CFAP299: variants seen among roughly 807,000 people sequenced by gnomAD.
CFAP299 encodes the protein cilia- and flagella-associated protein 299.
In CFAP299, 21 loss-of-function variants were observed where a neutral mutation model predicts 27.0. That is an observed-to-expected ratio of 0.78 (90% CI 0.55 to 1.12). The LOEUF is 1.12. Ranked by LOEUF, CFAP299 falls within the 50% of genes most tolerant of loss-of-function variation. The pLI is 0.00. For synonymous variants in CFAP299, 104 were observed against 98.1 expected (o/e 1.06, Z -0.36); for missense variants, 310 against 276.6 (o/e 1.12, Z -0.86).
chr4:80,581,464 A>ATATATATATATATATATATG (rs1736167371), intron 2 of CFAP299, among the ~76,000 whole-genome samples: 1 of 133,384 alleles, frequency 7.5e-6, no homozygotes. Context: ...ATATATATAT[A>ATATATATATATATATATATG]TATATATATA....
intron 2 of CFAP299, among the ~76,000 whole-genome samples, chr4:80,422,959 A>G (rs1021155150): frequency 6.6e-6 from 1 of 152,200 alleles, no homozygotes; most frequent in Non-Finnish European, 1.5e-5. Context: ...TATTGCCCCT[A>G]CAAACCTACA....
At chr4:80,749,298 A>T (rs1302093936) in intron 3 of CFAP299, among the ~76,000 whole-genome samples, 1 of 152,108 alleles carries the variant, frequency 6.6e-6, no homozygotes, top group Non-Finnish European at 1.5e-5. Context: ...CAGCTCCTTG[A>T]CTTATTTTTG....
At chr4:80,732,006 A>G (rs1330682383) in intron 3 of CFAP299, among the ~76,000 whole-genome samples, 4 of 151,706 alleles carry the variant, frequency 2.6e-5, no homozygotes, top group Admixed American at 6.6e-5. Context: ...ATTGTAGACT[A>G]TTTCTCCTTA....
intron 2 of CFAP299, among the ~76,000 whole-genome samples, chr4:80,549,157 T>C (rs1373968652): frequency 6.6e-6 from 1 of 151,988 alleles, no homozygotes; most frequent in East Asian, 1.9e-4. Flanking sequence ...ATTAAAATGG[T>C]TTAATCAAGA....
intron 4 of CFAP299, among the ~76,000 whole-genome samples, chr4:80,940,850 A>C (rs1358173474): frequency 6.6e-6 from 1 of 152,180 alleles, no homozygotes; most frequent in Non-Finnish European, 1.5e-5. Context: ...GCCTAATTCA[A>C]TTATTTTAAT....
At chr4:80,833,402 A>G (rs947909324) in intron 3 of CFAP299, among the ~76,000 whole-genome samples, 15 of 152,102 alleles carry the variant, frequency 9.9e-5, no homozygotes, top group African/African-American at 3.6e-4. Context: ...TTGATACTTT[A>G]TAGAGCTATC....
At chr4:80,542,837 C>T (rs1734066227) in intron 2 of CFAP299, among the ~76,000 whole-genome samples, 1 of 152,132 alleles carries the variant, frequency 6.6e-6, no homozygotes, top group Non-Finnish European at 1.5e-5. Context: ...GCTGCTGCCC[C>T]TTTGGAGCAT....
intron 3 of CFAP299, among the ~76,000 whole-genome samples, chr4:80,702,378 A>C (rs1721549494): frequency 6.6e-6 from 1 of 151,896 alleles, no homozygotes; most frequent in Non-Finnish European, 1.5e-5. Context: ...TTCTCTTAGA[A>C]ATGCAAATAA....
chr4:80,764,852 A>G (rs1725763393), intron 3 of CFAP299, among the ~76,000 whole-genome samples: 1 of 152,074 alleles, frequency 6.6e-6, no homozygotes, highest in African/African-American at 2.4e-5. Context: ...AAAACCAAAC[A>G]CTGCATGTTC....
In CFAP299 at chr4:80,708,894, G is replaced by A. The variant is rs148558615; in HGVS notation, c.333+125711G>A. Among the ~76,000 whole-genome samples the A allele has an allele frequency of 1.2e-3, 184 of 152,160 alleles. 2 individuals carry two copies. Among genetic ancestry groups the A allele is most frequent in the Admixed American group, 9.8e-3 (150 of 15,268 alleles). ...ATAACTATAAGCATTGTTTACAAAT[G>A]TAAAGAAGAACATATTTAAAGATTA... On this transcript the variant is annotated intron_variant, in intron 3 of 5. Coordinates refer to ENST00000358105, the MANE Select transcript of CFAP299 (RefSeq NM_152770.3).
intron 1 of CFAP299, among the ~76,000 whole-genome samples, chr4:80,354,679 C>T (rs1723178485): frequency 6.6e-6 from 1 of 152,106 alleles, no homozygotes; most frequent in South Asian, 2.1e-4. Context: ...TCCCATCCTC[C>T]TCCCTCTGAT....
At chr4:80,774,330 T>A (rs1261294771) in intron 3 of CFAP299, among the ~76,000 whole-genome samples, 2 of 151,842 alleles carry the variant, frequency 1.3e-5, no homozygotes, top group East Asian at 3.9e-4. Flanking sequence ...TACTTTATTT[T>A]AAAAAATAAT....
At chr4:80,593,484 CA>C (rs969314611) in intron 3 of CFAP299, among the ~76,000 whole-genome samples, 8 of 152,128 alleles carry the variant, frequency 5.3e-5, no homozygotes, top group African/African-American at 1.9e-4. Context: ...TTCGTGTTGG[CA>C]TTTATAACTT....
At chr4:80,854,242 G>T (rs149898614) in intron 3 of CFAP299, among the ~76,000 whole-genome samples, 1,752 of 152,148 alleles carry the variant, frequency 0.012, 35 homozygotes, top group African/African-American at 0.04. Flanking sequence ...AATCAAAATT[G>T]ACCTTTGGAT....
chr4:80,355,354 C>CTTTTTTTTTTT (rs70944772), intron 1 of CFAP299, among the ~76,000 whole-genome samples: 1 of 95,522 alleles, frequency 1.0e-5, no homozygotes, highest in Non-Finnish European at 1.9e-5. Context: ...ATGTCCTTTG[C>CTTTTTTTTTTT]TTTTTTTTTT....
At chr4:80,725,883 G>A (rs774581520) in intron 3 of CFAP299, among the ~76,000 whole-genome samples, 39 of 152,148 alleles carry the variant, frequency 2.6e-4, no homozygotes, top group Non-Finnish European at 4.7e-4. Context: ...CCAAAGCTGA[G>A]GAGGGAATGA....
chr4:80,853,936 C>T (rs1420710528), intron 3 of CFAP299, among the ~76,000 whole-genome samples: 1 of 152,108 alleles, frequency 6.6e-6, no homozygotes, highest in Non-Finnish European at 1.5e-5. Flanking sequence ...AATATATACA[C>T]TAGTCTGAAA....
intron 3 of CFAP299, among the ~76,000 whole-genome samples, chr4:80,615,698 T>C (rs1352077): frequency 0.94 from 142,591 of 152,162 alleles, 66,860 homozygotes; most frequent in East Asian, 1. Flanking sequence ...CACCATGCCC[T>C]GCTTAGGCAT....
At chr4:80,504,818 G>A (rs909150723) in intron 2 of CFAP299, among the ~76,000 whole-genome samples, 11 of 146,884 alleles carry the variant, frequency 7.5e-5, no homozygotes, top group African/African-American at 2.7e-4. Context: ...GATGAGGAAG[G>A]AAAATATATT....
Sources: allele counts gnomAD v4.1 joint callset (sites outside exome capture counted in the v4.1 genomes callset), GRCh38; gene constraint gnomAD v4.1.1; transcripts MANE v1.5; gene names NCBI Gene and HGNC (gene_info 2026-07-23, HGNC 2026-07-21).